Variants in AGAP3 observed in about 807,000 individuals in gnomAD.
The protein encoded by AGAP3 is arf-GAP with GTPase, ANK repeat and PH domain-containing protein 3.
AGAP3 carries 24 observed loss-of-function variants against 96.9 expected under a neutral mutation model. The ratio of observed to expected loss-of-function variants is 0.25; its 90% confidence interval spans 0.18 to 0.35. The LOEUF is 0.35. Ranked by LOEUF, AGAP3 falls within the 10% of genes least tolerant of loss-of-function variation. The probability of loss-of-function intolerance (pLI) is 1.00; values close to 1 mark genes in which losing one functional copy is unlikely to be tolerated. For synonymous variants in AGAP3, 563 were observed against 536.1 expected, an observed-to-expected ratio of 1.05 and a Z score of -0.69; for missense variants, 876 against 1,254.2, an observed-to-expected ratio of 0.70 and a Z score of 4.55.
intron 11 of AGAP3, 88 bp from the exon 12 acceptor site, chr7:151,138,055 T>G: frequency 9.4e-7 from 1 of 1,065,184 alleles, no homozygotes; most frequent in East Asian, 2.6e-5. Context: ...TCTCAGGCTC[T>G]GCTCTGCAGC....
chr7:151,105,044 G>C (rs2150431422), intron 1 of AGAP3, among the ~76,000 whole-genome samples: 1 of 152,282 alleles, frequency 6.6e-6, no homozygotes, highest in South Asian at 2.1e-4. Flanking sequence ...TTAAGGAGAG[G>C]GAAGAGGGCA....
chr7:151,090,142 G>T (rs1453969272), intron 1 of AGAP3: 1 of 152,188 alleles, frequency 6.6e-6, no homozygotes, highest in Admixed American at 6.5e-5. Context: ...TCCAGGACCT[G>T]CTGGTCCCAG....
At chr7:151,127,507 C>T (rs530995918) in intron 9 of AGAP3, among the ~76,000 whole-genome samples, 1 of 152,258 alleles carries the variant, frequency 6.6e-6, no homozygotes, top group South Asian at 2.1e-4. Flanking sequence ...CTATTTTTGC[C>T]TTGAAGTCTC....
intron 8 of AGAP3, chr7:151,123,402 G>A (rs770126478): frequency 1.0e-5 from 11 of 1,077,428 alleles, no homozygotes; most frequent in Non-Finnish European, 1.1e-5. Context: ...TGCCGCAGAC[G>A]GGCCATCTGC....
At chr7:151,110,997 G>A (rs984631203) in intron 1 of AGAP3, among the ~76,000 whole-genome samples, 1 of 152,166 alleles carries the variant, frequency 6.6e-6, no homozygotes, top group African/African-American at 2.4e-5. Context: ...GAGGACTGTG[G>A]CCCCACTGGG....
chr7:151,107,165 C>G (rs1207265495), intron 1 of AGAP3, among the ~76,000 whole-genome samples: 1 of 151,850 alleles, frequency 6.6e-6, no homozygotes, highest in Non-Finnish European at 1.5e-5. Flanking sequence ...CAAAATTTAG[C>G]CGGATGTGGT....
intron 1 of AGAP3, chr7:151,087,347 A>T: frequency 2.2e-6 from 1 of 449,598 alleles, no homozygotes; most frequent in Non-Finnish European, 4.1e-6. Context: ...AGATCTGTCC[A>T]GGCCTGGCCG....
Position 151,114,534 on chromosome 7 carries a change from CGCCGCCGTTCCCGG to C in AGAP3, c.332-2256_332-2243del. Reference sequence around the variant, plus strand: ...CCAGCAGGCCGGCTCCCCCGCGCCGCGCCGCCGTTCCCGGGCGTTCCAGGCCAGACTTGCCGCCT... The same window carrying C: ...CCAGCAGGCCGGCTCCCCCGCGCCGCGCGTTCCAGGCCAGACTTGCCGCCT... On this transcript the variant is annotated intron_variant, in intron 1 of 17. Transcript: ENST00000397238. The surrounding 1 kb of genome is among the most constrained non-coding windows in gnomAD (Gnocchi z 4.4). The C allele has an allele frequency of 1.4e-5, 3 of 219,448 alleles. No homozygotes were observed. Among genetic ancestry groups the C allele is most frequent in the Non-Finnish European group, 2.3e-5 (3 of 128,788 alleles). 13.6% of individuals were successfully genotyped at this position (219,448 alleles called of 1,614,324 possible). A position where few individuals can be genotyped will look rare whatever the true frequency, so the allele number is the denominator to read the frequency against.
rs1345081329 is a variant in AGAP3, at chr7:151,139,496, G to A, written c.1667-483G>A. Reference sequence around the variant, plus strand: ...GGGAGGGAGCGTGTCTGCCTCTAATGAAGTTTGACATTTAGTGGTGAGCGC... The same window carrying A: ...GGGAGGGAGCGTGTCTGCCTCTAATAAAGTTTGACATTTAGTGGTGAGCGC... On this transcript the variant is annotated intron_variant, in intron 12 of 17. Coordinates refer to ENST00000397238, the MANE Select transcript of AGAP3 (RefSeq NM_031946.7). The surrounding 1 kb of genome is among the most constrained non-coding windows in gnomAD (Gnocchi z 4.9). 1.3e-5 allele frequency: 2 copies of A among 152,708 alleles called. No individual in the cohort carries two copies. The highest frequency in any genetic ancestry group is 6.5e-5 in the Admixed American group (1 of 15,302). The allele number at this position is 152,708 out of a possible 1,614,324, so 9.5% of individuals were successfully genotyped here. A position where few individuals can be genotyped will look rare whatever the true frequency, so the allele number is the denominator to read the frequency against.
intron 8 of AGAP3, among the ~76,000 whole-genome samples, chr7:151,122,506 C>T (rs944204769): frequency 1.7e-4 from 25 of 151,264 alleles, no homozygotes; most frequent in Non-Finnish European, 3.1e-4. Context: ...CGCTGCCGCC[C>T]GCCGCCGCCG....
In AGAP3 at chr7:151,140,428, C is replaced by T. The variant is rs62489629; in HGVS notation, c.1804+312C>T. 0.034 allele frequency: 7,083 copies of T among 207,306 alleles called. 160 individuals carry two copies. The highest frequency in any genetic ancestry group is 0.062 in the African/African-American group (2,668 of 43,346). The allele number at this position is 207,306 out of a possible 1,614,324, so 12.8% of individuals were successfully genotyped here. A position where few individuals can be genotyped will look rare whatever the true frequency, so the allele number is the denominator to read the frequency against. ...TTCGGGCAGGACCTGTGTTTTCTGT[C>T]TCTTGTGTCATACCGAGTTTAATAA... On this transcript the variant is annotated intron_variant, in intron 13 of 17. Transcript: ENST00000397238. This position sits in a 1 kb window ranked among gnomAD's most constrained non-coding sequence, Gnocchi z 5.4.
At chr7:151,117,823 G>C (rs547854097) in intron 5 of AGAP3, 46 bp downstream of exon 5, 1 of 1,569,340 alleles carries the variant, frequency 6.4e-7, no homozygotes, top group South Asian at 1.2e-5. Flanking sequence ...GGAAGTCCCG[G>C]GCAACGATGC....
intron 3 of AGAP3, 60 bp from the exon 4 acceptor site, chr7:151,117,311 T>C: frequency 6.2e-7 from 1 of 1,607,942 alleles, no homozygotes; most frequent in Non-Finnish European, 8.5e-7. Context: ...GCTGTAGATT[T>C]CTTCTTGGCC....
chr7:151,089,286 G>A (rs1458385071), intron 1 of AGAP3, among the ~76,000 whole-genome samples: 1 of 152,166 alleles, frequency 6.6e-6, no homozygotes, highest in African/African-American at 2.4e-5. Flanking sequence ...TTCTTTCTGC[G>A]AGGAGGGAGA....
chr7:151,119,470 C>G (rs1013019093), intron 7 of AGAP3, among the ~76,000 whole-genome samples: 2 of 152,250 alleles, frequency 1.3e-5, no homozygotes, highest in Non-Finnish European at 2.9e-5. Context: ...GCTCTGTTCT[C>G]TCTGCCCCAG....
chr7:151,140,045 A>G lies in AGAP3; in HGVS notation c.1733A>G (p.Asn578Ser). Reference protein sequence around the residue: ...KLDPPPSPHSNRKKHRRKKST... With the variant: ...KLDPPPSPHSSRKKHRRKKST... ...GATCCTCCCCCATCTCCCCACTCCA[A>G]CCGGAAGAAGCACCGGAGGAAAAAG... The change falls in exon 13 of 18, where the codon AAC becomes AGC. Residue 578 changes from asparagine to serine, a missense_variant. Transcript: ENST00000397238. The surrounding 1 kb of genome is among the most constrained non-coding windows in gnomAD (Gnocchi z 5.4). 1.9e-6 allele frequency: 3 copies of G among 1,606,346 alleles called. No homozygotes were observed.
At chr7:151,098,354 G>A (rs1381282911) in intron 1 of AGAP3, among the ~76,000 whole-genome samples, 1 of 151,412 alleles carries the variant, frequency 6.6e-6, no homozygotes, top group Non-Finnish European at 1.5e-5. Context: ...GGGAGACCCT[G>A]GCACACACAC....
Position 151,123,075 on chromosome 7 carries a change from G to C in AGAP3, c.1129-719G>C. 1.6e-6 allele frequency: 2 copies of C among 1,238,270 alleles called. 1 individual carries two copies. The highest frequency in any genetic ancestry group is 4.2e-5 in the South Asian group (2 of 48,136). The allele number at this position is 1,238,270 out of a possible 1,614,324, so 76.7% of individuals were successfully genotyped here. On this transcript the variant is annotated intron_variant, in intron 8 of 17. Transcript: ENST00000397238. ...GCGCTGGCCAGCGCGACGAGGCCCA[G>C]AGGGGCGGGGGAGTCCAAGCCCGCC...
chr7:151,123,083 G>T (rs946236053), intron 8 of AGAP3: 3 of 1,214,806 alleles, frequency 2.5e-6, no homozygotes, highest in Non-Finnish European at 2.1e-6. Flanking sequence ...CAGAGGGGCG[G>T]GGGAGTCCAA....
Sources: gnomAD v4.1 joint callset for allele counts (sites outside exome capture counted in the v4.1 genomes callset) on GRCh38, gnomAD v4.1.1 for gene constraint, Gnocchi (gnomAD v3.1) non-coding constraint, MANE v1.5 for transcripts, NCBI Gene and HGNC (gene_info 2026-07-23, HGNC 2026-07-21) for gene names.